Variants in RPS7 observed in about 807,000 individuals in gnomAD.
The protein encoded by RPS7 is small ribosomal subunit protein eS7.
In RPS7, 1 loss-of-function variant was observed where a neutral mutation model predicts 22.1. The observed-to-expected ratio is 0.05, with a 90% CI of 0.02 to 0.21. The LOEUF is 0.21. RPS7 is among the 10% of genes least tolerant of loss of function. The pLI, the probability that RPS7 is intolerant of heterozygous loss-of-function variation, is 1.00. For synonymous variants in RPS7, 80 were observed against 92.0 expected (o/e 0.87, Z 0.74); for missense variants, 137 against 246.4 (o/e 0.56, Z 2.97).
chr2:3,577,209 G>C (rs9808287), intron 4 of RPS7: 2 of 175,308 alleles, frequency 1.1e-5, no homozygotes, highest in Admixed American at 5.5e-5. Context: ...GGTGGTGGGC[G>C]CCTGTAGTCC....
chr2:3,579,958 G>C, intron 5 of RPS7, 152 bp from the exon 6 acceptor site: 1 of 768,500 alleles, frequency 1.3e-6, no homozygotes, highest in Non-Finnish European at 2.3e-6. Context: ...AGTTTGGTAC[G>C]TGAAATATAA....
chr2:3,580,652 C>T (rs1040132443), intron 6 of RPS7, 153 bp from the exon 7 acceptor site: 1 of 674,530 alleles, frequency 1.5e-6, no homozygotes, highest in Non-Finnish European at 2.7e-6. Context: ...TGGAGAAGAG[C>T]TTGTCCCCGG....
intron 5 of RPS7, chr2:3,578,805 C>G (rs1268267407): frequency 6.6e-6 from 1 of 152,170 alleles, no homozygotes; most frequent in African/African-American, 2.4e-5. Context: ...AGAGGACTGT[C>G]CCTCAAATCC....
At chr2:3,579,431 C>G (rs1460055002) in intron 5 of RPS7, 1 of 154,798 alleles carries the variant, frequency 6.5e-6, no homozygotes, top group Non-Finnish European at 1.4e-5. Context: ...TTGTTAGCTA[C>G]TATGGGGTGA....
chr2:3,580,422 GT>G (rs551127013), intron 6 of RPS7, 162 bp downstream of exon 6: 166 of 726,000 alleles, frequency 2.3e-4, no homozygotes, highest in African/African-American at 2.1e-3. Flanking sequence ...TGTGTCAGGT[GT>G]TAAATGGAGA....
At chr2:3,576,143 G>C (rs1661273725) in intron 3 of RPS7, 4 of 600,106 alleles carry the variant, frequency 6.7e-6, no homozygotes, top group Non-Finnish European at 5.9e-6. Flanking sequence ...GGCCCATTTC[G>C]GACCTTATTT....
At chr2:3,579,157 GGAATC>G (rs1244075552) in intron 5 of RPS7, 9 of 152,142 alleles carry the variant, frequency 5.9e-5, no homozygotes, top group Admixed American at 5.2e-4. Flanking sequence ...AGATGACATT[GGAATC>G]TAATTTCCGT....
At chr2:3,580,474 G>T in intron 6 of RPS7, 1 of 662,190 alleles carries the variant, frequency 1.5e-6, no homozygotes, top group South Asian at 1.7e-5. Context: ...TGTACCTTTT[G>T]GAAGTAGACT....
intron 4 of RPS7, chr2:3,577,056 C>G (rs551702408): frequency 1.3e-4 from 36 of 269,518 alleles, no homozygotes; most frequent in Admixed American, 1.1e-3. Context: ...CTGTTACAGG[C>G]CGGGCCCTGT....
At position 3,575,291 on chromosome 2, in the gene RPS7, G is replaced by A. The variant is rs1338661122; in HGVS notation, c.-78G>A. On this transcript the variant is annotated 5_prime_UTR_variant, in exon 1 of 7. Transcript: ENST00000645674. ...CTGTTTCCGCCTCTTGCCTTCGGACGCCGGATTTTGACGTGCTCTCGCGAG... is the reference window on the plus strand; with the variant it reads ...CTGTTTCCGCCTCTTGCCTTCGGACACCGGATTTTGACGTGCTCTCGCGAG... 1 of 424,698 alleles carries A rather than the reference G, an allele frequency of 2.4e-6. No homozygotes were observed. The highest frequency in any genetic ancestry group is 4.2e-6 in the Non-Finnish European group (1 of 235,558). The allele number at this position is 424,698 out of a possible 1,614,324, so 26.3% of individuals were successfully genotyped here.
At chr2:3,580,303 G>C in intron 6 of RPS7, 43 bp downstream of exon 6, 1 of 1,589,770 alleles carries the variant, frequency 6.3e-7, no homozygotes, top group Non-Finnish European at 8.6e-7. Context: ...CAGCCACAGT[G>C]AGAGTGGATT....
chr2:3,578,976 G>A (rs529615001), intron 5 of RPS7: 2 of 152,300 alleles, frequency 1.3e-5, no homozygotes, highest in South Asian at 4.1e-4. Context: ...CCGGCTTCCT[G>A]CTTTCAGATT....
In RPS7 at chr2:3,575,655, C is replaced by T; in HGVS notation, c.46C>T (p.Pro16Ser). The T allele has an allele frequency of 6.2e-7, 1 of 1,611,704 alleles. No individual in the cohort carries two copies. Among genetic ancestry groups the T allele is most frequent in the East Asian group, 2.2e-5 (1 of 44,856 alleles). Reference sequence around the variant, plus strand: ...GATCGTGAAGCCCAATGGCGAGAAGCCGGACGAGTTCGAGTCCGGCATCTC... The same window carrying T: ...GATCGTGAAGCCCAATGGCGAGAAGTCGGACGAGTTCGAGTCCGGCATCTC... Reference protein sequence around the residue: ...AKIVKPNGEKPDEFESGISQA... With the variant: ...AKIVKPNGEKSDEFESGISQA... Residue 16 changes from proline (P) to serine (S), a missense_variant, in exon 2 of 7, where the codon CCG (proline) becomes TCG (serine). Pro to Ser is a moderately conservative substitution (Grantham distance 74). Coordinates refer to ENST00000645674, the MANE Select transcript of RPS7 (RefSeq NM_001011.4).
chr2:3,576,411 T>G (rs528025294), intron 3 of RPS7, 76 bp from the exon 4 acceptor site: 8 of 1,325,050 alleles, frequency 6.0e-6, no homozygotes, highest in East Asian at 2.3e-5. Context: ...TGATAAGGTC[T>G]TCTTATCCTC....
rs1169915990 is a variant in RPS7, at chr2:3,580,217, A to C, written c.464A>C (p.Lys155Thr). 2 of 1,613,718 alleles carry C rather than the reference A, an allele frequency of 1.2e-6. No homozygotes were observed. The highest frequency in any genetic ancestry group is 1.1e-5 in the South Asian group (1 of 91,066). ...AAACTAGATGGCAGCCGGCTCATAA[A>C]GGTTCATTTGGACAAAGCACAGCAG... ...RVKLDGSRLI[K>T]VHLDKAQQNN... Residue 155 changes from lysine (K) to threonine (T), a missense_variant, in exon 6 of 7, where the codon AAG becomes ACG. Lys to Thr is a moderately conservative substitution (Grantham distance 78, BLOSUM62 -1). Coordinates refer to ENST00000645674, the MANE Select transcript of RPS7 (RefSeq NM_001011.4).
chr2:3,578,912 G>A (rs1661343634), intron 5 of RPS7: 1 of 152,198 alleles, frequency 6.6e-6, no homozygotes, highest in South Asian at 2.1e-4. Flanking sequence ...TACATTGAAA[G>A]CCTTCACACT....
chr2:3,577,609 C>A (rs1661311831), intron 4 of RPS7, 101 bp from the exon 5 acceptor site: 1 of 857,050 alleles, frequency 1.2e-6, no homozygotes, highest in South Asian at 1.4e-5. Flanking sequence ...TTTGAACTTA[C>A]CCTGCCATTC....
Position 3,575,594 on chromosome 2 carries a change from C to T in RPS7, c.-16C>T, listed in dbSNP as rs377612160. ...AACGCTGACCGCTGTGCCTTCAGTT[C>T]TCCCAGGAGAAAGCCATGTTCAGTT... is the stretch of plus-strand genomic sequence containing the variant. On this transcript the variant is annotated splice_region_variant and 5_prime_UTR_variant, in exon 2 of 7. Coordinates refer to ENST00000645674, the MANE Select transcript of RPS7 (RefSeq NM_001011.4). 2.0e-4 allele frequency: 324 copies of T among 1,608,632 alleles called. No individual in the cohort carries two copies. Among genetic ancestry groups the T allele is most frequent in the Non-Finnish European group, 2.7e-4 (314 of 1,177,636 alleles).
intron 1 of RPS7, 113 bp from the exon 2 acceptor site, chr2:3,575,479 C>T: frequency 1.4e-6 from 1 of 725,878 alleles, no homozygotes; most frequent in Non-Finnish European, 2.4e-6. Flanking sequence ...CCGCCCTGTG[C>T]TTTCCGATGG....
Sources: allele counts gnomAD v4.1 joint callset, GRCh38; gene constraint gnomAD v4.1.1; transcripts MANE v1.5; gene names NCBI Gene and HGNC (gene_info 2026-07-23, HGNC 2026-07-21).